HAO2: variants seen among roughly 807,000 people sequenced by gnomAD.
HAO2 encodes 2-Hydroxyacid oxidase 2.
A neutral mutation model predicts 37.4 loss-of-function variants in HAO2; 42 were observed. The observed-to-expected ratio is 1.12, with a 90% CI of 0.88 to 1.45. The LOEUF (loss-of-function observed/expected upper bound fraction) is 1.45, where lower values mean the gene tolerates loss of function less well. Ranked by LOEUF, HAO2 falls within the 40% of genes most tolerant of loss-of-function variation. The probability of loss-of-function intolerance (pLI) is 0.00; values close to 1 mark genes in which losing one functional copy is unlikely to be tolerated. For missense variants in HAO2, 476 were observed against 430.2 expected (o/e 1.11, Z -0.94); for synonymous variants, 180 against 162.8 (o/e 1.11, Z -0.81).
chr1:119,378,133 C>T (rs1649628882), intron 1 of HAO2, among the ~76,000 whole-genome samples: 1 of 152,136 alleles, frequency 6.6e-6, no homozygotes, highest in Admixed American at 6.6e-5. Context: ...CTATTTTGTT[C>T]TTTACGTTAA....
chr1:119,394,067 T>C lies in HAO2; in HGVS notation c.*227T>C, dbSNP rs1320220278. 45 of 1,331,824 alleles carry C rather than the reference T, an allele frequency of 3.4e-5. No homozygotes were observed. The highest frequency in any genetic ancestry group is 4.4e-5 in the Non-Finnish European group (45 of 1,033,224). 82.5% of individuals were successfully genotyped at this position (1,331,824 alleles called of 1,614,324 possible). A position where few individuals can be genotyped will look rare whatever the true frequency, so the allele number is the denominator to read the frequency against. On this transcript the variant is annotated 3_prime_UTR_variant, in exon 8 of 8. Transcript: ENST00000325945. ...TGTATCACTGACTATTATATGTTGC[T>C]CTCTTGCCTAAATCTTCCTCTGAAG...
chr1:119,383,346 G>A (rs1650114671), intron 3 of HAO2, among the ~76,000 whole-genome samples: 1 of 152,214 alleles, frequency 6.6e-6, no homozygotes, highest in Non-Finnish European at 1.5e-5. Context: ...AGGGGTGCTG[G>A]CCCTTCTGGC....
intron 1 of HAO2, among the ~76,000 whole-genome samples, chr1:119,379,900 G>A (rs1649779538): frequency 6.6e-6 from 1 of 152,196 alleles, no homozygotes; most frequent in African/African-American, 2.4e-5. Context: ...CTCCAGCCAA[G>A]ATTCCCAGCA....
intron 1 of HAO2, among the ~76,000 whole-genome samples, chr1:119,375,231 A>G (rs1435568013): frequency 2.0e-5 from 3 of 152,230 alleles, no homozygotes; most frequent in African/African-American, 4.8e-5. Flanking sequence ...GATTACTTGA[A>G]TCTTCCCTTT....
In HAO2 at chr1:119,385,642, C is replaced by T. The variant is rs1336449136; in HGVS notation, c.561+589C>T. Reference sequence around the variant, plus strand: ...CTAGGTGACTACAAAGGGGACCTTCCCCATTAAAATCCTACAATTAAATGG... The same window carrying T: ...CTAGGTGACTACAAAGGGGACCTTCTCCATTAAAATCCTACAATTAAATGG... On this transcript the variant is annotated intron_variant, in intron 4 of 7. Coordinates refer to ENST00000325945, the MANE Select transcript of HAO2 (RefSeq NM_016527.4). 4 of 985,104 alleles carry T rather than the reference C, an allele frequency of 4.1e-6. No homozygotes were observed. The African/African-American group carries it at 7.0e-5, about 17-fold the overall frequency. The allele number at this position is 985,104 out of a possible 1,614,324, so 61.0% of individuals were successfully genotyped here.
rs1362899707 is a variant in HAO2 at position 119,386,780 on chromosome 1, T to A, written c.720T>A (p.Gly240=). ...AELAVKHNVQ[G]IIVSNHGGRQ... is the part of the protein sequence containing the mutation. The stretch of plus-strand genomic sequence containing the variant: ...TAGCTGTGAAGCACAATGTCCAGGG[T>A]ATCATTGTTTCCAACCATGGTGGGA... Residue 240 remains glycine, a synonymous_variant, in exon 5 of 8, where the codon GGT becomes GGA. Transcript: ENST00000325945. The A allele has an allele frequency of 1.3e-5, 21 of 1,613,606 alleles. No individual in the cohort carries two copies. Among genetic ancestry groups the A allele is most frequent in the Non-Finnish European group, 1.7e-5 (20 of 1,179,580 alleles).
At chr1:119,374,099 C>T (rs1400208136) in intron 1 of HAO2, among the ~76,000 whole-genome samples, 1 of 152,190 alleles carries the variant, frequency 6.6e-6, no homozygotes, top group Non-Finnish European at 1.5e-5. Flanking sequence ...ACACTCAGTT[C>T]CCTTTTTACT....
intron 1 of HAO2, among the ~76,000 whole-genome samples, chr1:119,374,838 G>A (rs759857270): frequency 6.6e-5 from 10 of 152,170 alleles, no homozygotes; most frequent in Admixed American, 1.3e-4. Context: ...AGAAAACCAC[G>A]TCTTCCTTGA....
chr1:119,391,384 G>T (rs1175740332), intron 5 of HAO2, among the ~76,000 whole-genome samples: 1 of 152,160 alleles, frequency 6.6e-6, no homozygotes, highest in African/African-American at 2.4e-5. Flanking sequence ...GCATAGATCG[G>T]CCTGGGGCAC....
At chr1:119,376,602 A>G (rs1230301448) in intron 1 of HAO2, among the ~76,000 whole-genome samples, 1 of 152,254 alleles carries the variant, frequency 6.6e-6, no homozygotes, top group Non-Finnish European at 1.5e-5. Context: ...CTGTCCTAGC[A>G]GAGGTTCTCC....
At chr1:119,388,175 A>G (rs1002635872) in intron 5 of HAO2, among the ~76,000 whole-genome samples, 3 of 152,236 alleles carry the variant, frequency 2.0e-5, no homozygotes, top group African/African-American at 7.2e-5. Flanking sequence ...CAAGCCATCC[A>G]GTATTTAGCA....
chr1:119,386,001 A>G (rs1650352220), intron 4 of HAO2: 1 of 568,806 alleles, frequency 1.8e-6, no homozygotes, highest in Non-Finnish European at 2.2e-6. Context: ...TATCCATCTT[A>G]TATACTAAAC....
chr1:119,384,681 G>A, intron 3 of HAO2, 95 bp from the exon 4 acceptor site: 1 of 951,182 alleles, frequency 1.1e-6, no homozygotes, highest in Non-Finnish European at 1.6e-6. Flanking sequence ...GCATTCATGG[G>A]GCAAGATGGC....
chr1:119,379,533 C>A (rs955679657), intron 1 of HAO2, among the ~76,000 whole-genome samples: 5 of 152,168 alleles, frequency 3.3e-5, no homozygotes, highest in African/African-American at 1.2e-4. Context: ...ATGATTAATT[C>A]ATTTGACTAA....
At chr1:119,379,775 G>C (rs1649772631) in intron 1 of HAO2, among the ~76,000 whole-genome samples, 2 of 151,960 alleles carry the variant, frequency 1.3e-5, no homozygotes, top group African/African-American at 4.8e-5. Context: ...ATTTCTTCCT[G>C]CTTGGCCCTT....
intron 2 of HAO2, among the ~76,000 whole-genome samples, chr1:119,382,481 C>A (rs1391823561): frequency 6.6e-6 from 1 of 152,162 alleles, no homozygotes; most frequent in Non-Finnish European, 1.5e-5. Context: ...GTGACCTTTT[C>A]TTACTTTCTG....
chr1:119,381,445 C>T (rs1649934420), intron 2 of HAO2, among the ~76,000 whole-genome samples: 1 of 152,154 alleles, frequency 6.6e-6, no homozygotes, highest in Non-Finnish European at 1.5e-5. Flanking sequence ...GAGTCATTCT[C>T]CTTCATCTCA....
At chr1:119,375,866 C>A (rs1163872733) in intron 1 of HAO2, among the ~76,000 whole-genome samples, 1 of 151,980 alleles carries the variant, frequency 6.6e-6, no homozygotes, top group African/African-American at 2.4e-5. Context: ...TGGTGAAACC[C>A]GCTCCCCCAT....
intron 1 of HAO2, among the ~76,000 whole-genome samples, chr1:119,373,852 G>T (rs1649228156): frequency 6.6e-6 from 1 of 152,102 alleles, no homozygotes; most frequent in Non-Finnish European, 1.5e-5. Flanking sequence ...AGCCTAAAAA[G>T]GAGAGATTAT....
Sources: allele counts gnomAD v4.1 joint callset (sites outside exome capture counted in the v4.1 genomes callset), GRCh38; gene constraint gnomAD v4.1.1; transcripts MANE v1.5; gene names NCBI Gene and HGNC (gene_info 2026-07-23, HGNC 2026-07-21).